Variants in DIP2C observed in about 807,000 individuals in gnomAD.
DIP2C encodes the protein DIP2 acetate--CoA ligase C (putative), also known as disco-interacting protein 2 homolog C.
A neutral mutation model predicts 192.4 loss-of-function variants in DIP2C; 33 were observed. The observed-to-expected ratio is 0.17, with a 90% CI of 0.13 to 0.23. The LOEUF is 0.23. Ranked by LOEUF, DIP2C falls within the 10% of genes least tolerant of loss-of-function variation. The probability of loss-of-function intolerance (pLI) is 1.00; values close to 1 mark genes in which losing one functional copy is unlikely to be tolerated. For missense variants in DIP2C, 1,537 were observed against 2,110.1 expected, an observed-to-expected ratio of 0.73 and a Z score of 5.32; for synonymous variants, 979 against 864.1, an observed-to-expected ratio of 1.13 and a Z score of -2.33.
chr10:311,606 A>C (rs1956569671), intron 31 of DIP2C: 2 of 1,231,084 alleles, frequency 1.6e-6, no homozygotes, highest in African/African-American at 3.1e-5. Flanking sequence ...GAGAGGAGAG[A>C]ACACCAGACA....
rs950219045 is a variant in DIP2C at position 297,324 on chromosome 10, C to T, written c.3987-8903G>A. On this transcript the variant is annotated intron_variant, in intron 32 of 36. Transcript: ENST00000280886. ...ACGATCCAACAATCCCACTACTGGG[C>T]GCCTATCCAAAGGAAATGAAATCAT... Among the ~76,000 whole-genome samples the T allele has an allele frequency of 7.3e-5, 11 of 150,064 alleles. No homozygotes were observed. In the East Asian group the frequency reaches 1.8e-3, roughly 24 times the overall value.
intron 1 of DIP2C, among the ~76,000 whole-genome samples, chr10:503,156 CAT>C (rs1845366611): frequency 1.3e-5 from 2 of 151,938 alleles, no homozygotes; most frequent in Admixed American, 6.5e-5. Flanking sequence ...ACAATTCCAA[CAT>C]AAATTCCGCC....
rs1346504539 is a variant in DIP2C at position 357,757 on chromosome 10, T to C, written c.2904+71A>G. ...GGGGACAGTCGGGTACTGTCGGGGA[T>C]GGTCGCAGATGGTCGGGGACAGTCG... On this transcript the variant is annotated intron_variant, in intron 23 of 36. Transcript: ENST00000280886. The C allele has an allele frequency of 2.0e-5, 23 of 1,155,546 alleles. No individual in the cohort carries two copies. In the South Asian group the frequency reaches 2.3e-4, roughly 12 times the overall value. The allele number at this position is 1,155,546 out of a possible 1,614,324, so 71.6% of individuals were successfully genotyped here. A position where few individuals can be genotyped will look rare whatever the true frequency, so the allele number is the denominator to read the frequency against.
chr10:486,242 A>G, intron 2 of DIP2C, among the ~76,000 whole-genome samples: 1 of 152,250 alleles, frequency 6.6e-6, no homozygotes, highest in Middle Eastern at 3.2e-3. Flanking sequence ...TTATAGAGAA[A>G]ACACCTATTA....
At chr10:501,490 T>C (rs1845224823) in intron 1 of DIP2C, among the ~76,000 whole-genome samples, 1 of 152,136 alleles carries the variant, frequency 6.6e-6, no homozygotes, top group African/African-American at 2.4e-5. Flanking sequence ...ATAATATGTT[T>C]ATGAAAACAC....
chr10:395,758 G>GC (rs758360680), intron 10 of DIP2C, among the ~76,000 whole-genome samples: 2 of 152,192 alleles, frequency 1.3e-5, no homozygotes, highest in East Asian at 1.9e-4. Context: ...GCCACAGAGG[G>GC]CCCCTCCCTA....
At chr10:457,693 C>G (rs1969413406) in intron 3 of DIP2C, among the ~76,000 whole-genome samples, 1 of 152,062 alleles carries the variant, frequency 6.6e-6, no homozygotes, top group African/African-American at 2.4e-5. Flanking sequence ...GTAGCTGGGA[C>G]CACAGGTGTG....
chr10:557,827 A>AAGGC (rs1165738629), intron 1 of DIP2C, among the ~76,000 whole-genome samples: 3 of 37,644 alleles, frequency 8.0e-5, no homozygotes, highest in African/African-American at 7.8e-4. Context: ...AGGGGGCAGG[A>AAGGC]AGGCAGGCAG....
At chr10:522,928 G>A (rs756634536) in intron 1 of DIP2C, among the ~76,000 whole-genome samples, 13 of 151,874 alleles carry the variant, frequency 8.6e-5, no homozygotes, top group Admixed American at 5.2e-4. Context: ...GGACCCTGGA[G>A]TGAGGGAACT....
chr10:330,418 GTTTTAA>G (rs1957452267), intron 29 of DIP2C, among the ~76,000 whole-genome samples: 1 of 152,050 alleles, frequency 6.6e-6, no homozygotes, highest in Non-Finnish European at 1.5e-5. Flanking sequence ...ATTTTTAATG[GTTTTAA>G]TTTTGTTTAC....
intron 29 of DIP2C, 112 bp from the exon 30 acceptor site, chr10:329,713 C>T (rs1459901535): frequency 2.3e-6 from 3 of 1,329,356 alleles, no homozygotes; most frequent in African/African-American, 1.5e-5. Flanking sequence ...CTTGGAACAG[C>T]CCGTGCTGCC....
intron 1 of DIP2C, among the ~76,000 whole-genome samples, chr10:612,033 C>T (rs1192061931): frequency 2.6e-5 from 4 of 152,088 alleles, no homozygotes; most frequent in African/African-American, 4.8e-5. Flanking sequence ...CGGTGGCTCA[C>T]GCCTGTCATC....
intron 36 of DIP2C, among the ~76,000 whole-genome samples, chr10:280,884 G>A (rs923610832): frequency 1.3e-5 from 2 of 152,184 alleles, no homozygotes; most frequent in African/African-American, 4.8e-5. Context: ...ACATATGTGT[G>A]AGGTTTGTTT....
chr10:335,690 C>T (rs1288586306), intron 29 of DIP2C, among the ~76,000 whole-genome samples: 2 of 152,212 alleles, frequency 1.3e-5, no homozygotes, highest in African/African-American at 4.8e-5. Context: ...TCTCTTCATC[C>T]CACCCGCTGT....
rs762410144 is a variant in DIP2C, at chr10:345,103, C to A, written c.3239G>T (p.Arg1080Leu). The A allele has an allele frequency of 6.2e-7, 1 of 1,611,492 alleles. No homozygotes were observed. Among genetic ancestry groups the A allele is most frequent in the Non-Finnish European group, 8.5e-7 (1 of 1,179,634 alleles). The change falls in exon 27 of 37, where the codon CGC becomes CTC. Residue 1080 changes from arginine (R) to leucine (L), a missense_variant. By Grantham distance (102) the Arg-to-Leu change is moderately radical. Coordinates refer to ENST00000280886, the MANE Select transcript of DIP2C (RefSeq NM_014974.3). ...CTGTGTCGTCATCAGACAGGCAGAG[C>A]GACTCACCTGGCATCAGAGAGCGAG... ...PTVKMIVEVS[R>L]SACLMTTQLI...
chr10:486,924 T>C (rs373755831), intron 1 of DIP2C, among the ~76,000 whole-genome samples: 7 of 152,308 alleles, frequency 4.6e-5, no homozygotes, highest in Admixed American at 3.3e-4. Context: ...CCAGCACCTA[T>C]TGGCATCTTC....
intron 1 of DIP2C, among the ~76,000 whole-genome samples, chr10:613,868 A>G (rs1853265307): frequency 6.6e-6 from 1 of 151,592 alleles, no homozygotes; most frequent in Non-Finnish European, 1.5e-5. Context: ...CACCCTCCTG[A>G]TCTCGGCCAT....
intron 33 of DIP2C, among the ~76,000 whole-genome samples, chr10:287,669 G>GAA (rs34102226): frequency 0.063 from 7,810 of 123,902 alleles, 337 homozygotes; most frequent in African/African-American, 0.12. Context: ...GGCCGAAACG[G>GAA]AAAAAAAAAA....
At chr10:580,545 G>A (rs190024265) in intron 1 of DIP2C, among the ~76,000 whole-genome samples, 25 of 152,230 alleles carry the variant, frequency 1.6e-4, no homozygotes, top group Non-Finnish European at 2.2e-4. Flanking sequence ...GTACATGCAT[G>A]CCCATAGCAT....
Sources: gnomAD v4.1 joint callset for allele counts (sites outside exome capture counted in the v4.1 genomes callset) on GRCh38, gnomAD v4.1.1 for gene constraint, MANE v1.5 for transcripts, NCBI Gene and HGNC (gene_info 2026-07-23, HGNC 2026-07-21) for gene names.